Variants in NALF1 observed in about 807,000 individuals in gnomAD.
The protein encoded by NALF1 is NALCN channel auxiliary factor 1.
NALF1 carries 3 observed loss-of-function variants against 48.4 expected under a neutral mutation model. The ratio of observed to expected loss-of-function variants is 0.06; its 90% confidence interval spans 0.03 to 0.16. The LOEUF is 0.16. NALF1 is among the 10% of genes least tolerant of loss of function. NALF1 has a pLI of 1.00. For missense variants in NALF1, 526 were observed against 571.5 expected, an observed-to-expected ratio of 0.92 and a Z score of 0.81; for synonymous variants, 262 against 245.7, an observed-to-expected ratio of 1.07 and a Z score of -0.62.
intron 1 of NALF1, among the ~76,000 whole-genome samples, chr13:107,678,697 T>C (rs1594201869): frequency 6.6e-6 from 1 of 152,064 alleles, no homozygotes; most frequent in Non-Finnish European, 1.5e-5. Flanking sequence ...TGGTGGAAGG[T>C]GAAGGGAAAC....
At chr13:107,728,671 C>T (rs1876226746) in intron 1 of NALF1, among the ~76,000 whole-genome samples, 3 of 150,840 alleles carry the variant, frequency 2.0e-5, no homozygotes, top group East Asian at 2.0e-4. Flanking sequence ...GCACGTTCTG[C>T]GCATGTATCC....
At chr13:107,808,655 C>G (rs1470806825) in intron 1 of NALF1, among the ~76,000 whole-genome samples, 1 of 133,896 alleles carries the variant, frequency 7.5e-6, no homozygotes, top group Non-Finnish European at 1.6e-5. Flanking sequence ...GATCAAATTT[C>G]CACTATACAG....
chr13:107,313,205 T>C (rs961443354), intron 1 of NALF1, among the ~76,000 whole-genome samples: 4 of 151,082 alleles, frequency 2.6e-5, no homozygotes, highest in South Asian at 4.2e-4. Flanking sequence ...CCCAAAAAAA[T>C]AGAACACAGG....
At chr13:107,382,872 C>T (rs891124766) in intron 1 of NALF1, among the ~76,000 whole-genome samples, 1 of 152,174 alleles carries the variant, frequency 6.6e-6, no homozygotes, top group African/African-American at 2.4e-5. Context: ...CTGGTGTTAG[C>T]TCTGCTTTAG....
chr13:107,199,436 AG>A (rs1879462729), intron 2 of NALF1, among the ~76,000 whole-genome samples: 1 of 152,208 alleles, frequency 6.6e-6, no homozygotes, highest in Non-Finnish European at 1.5e-5. Flanking sequence ...ACATTGGACT[AG>A]GGCTCATCCT....
At chr13:107,697,708 A>T (rs1881730595) in intron 1 of NALF1, among the ~76,000 whole-genome samples, 1 of 152,188 alleles carries the variant, frequency 6.6e-6, no homozygotes, top group Non-Finnish European at 1.5e-5. Context: ...ACACACAAAT[A>T]TGAAAGTAAA....
chr13:107,315,886 G>GATAT (rs534440329), intron 1 of NALF1, among the ~76,000 whole-genome samples: 3 of 146,974 alleles, frequency 2.0e-5, no homozygotes, highest in African/African-American at 7.4e-5. Flanking sequence ...ATTTTTTATA[G>GATAT]ATATATATAT....
intron 1 of NALF1, among the ~76,000 whole-genome samples, chr13:107,266,467 C>T (rs1881040837): frequency 6.6e-6 from 1 of 152,130 alleles, no homozygotes; most frequent in African/African-American, 2.4e-5. Flanking sequence ...TCCTTTTTGG[C>T]ATCATTTCTT....
intron 1 of NALF1, among the ~76,000 whole-genome samples, chr13:107,668,985 C>A (rs1482968618): frequency 6.6e-6 from 1 of 152,026 alleles, no homozygotes; most frequent in Non-Finnish European, 1.5e-5. Context: ...AGTAAACCGT[C>A]CTCAAAAATT....
intron 1 of NALF1, among the ~76,000 whole-genome samples, chr13:107,331,803 C>T (rs895491136): frequency 9.2e-5 from 14 of 151,820 alleles, no homozygotes; most frequent in Admixed American, 8.5e-4. Flanking sequence ...CAGAAGGGAT[C>T]GGACATTTAG....
intron 1 of NALF1, among the ~76,000 whole-genome samples, chr13:107,327,134 T>A (rs1424399079): frequency 1.3e-5 from 2 of 152,212 alleles, no homozygotes; most frequent in African/African-American, 4.8e-5. Context: ...TTGATAATTT[T>A]AAAAAGTTAT....
At chr13:107,299,680 CCTT>C (rs2138891467) in intron 1 of NALF1, among the ~76,000 whole-genome samples, 1 of 133,602 alleles carries the variant, frequency 7.5e-6, no homozygotes, top group South Asian at 2.3e-4. Context: ...AAGAACTGTT[CCTT>C]ATTTATTTAT....
In NALF1 at chr13:107,787,321, C is replaced by T. The variant is rs182232174; in HGVS notation, c.915+78361G>A. Among the ~76,000 whole-genome samples, 917 of 151,738 alleles carry T rather than the reference C, an allele frequency of 6.0e-3. 7 individuals are homozygous for T. The highest frequency in any genetic ancestry group is 0.012 in the South Asian group (60 of 4,822). ...TTAAATTTTTCCAATAATATGTTTA[C>T]AGCTGAAAATATTATCATCACAATT... On this transcript the variant is annotated intron_variant, in intron 1 of 2. Coordinates refer to ENST00000375915, the MANE Select transcript of NALF1 (RefSeq NM_001080396.3).
chr13:107,445,163 G>A (rs868584730), intron 1 of NALF1, among the ~76,000 whole-genome samples: 2 of 152,152 alleles, frequency 1.3e-5, no homozygotes, highest in African/African-American at 2.4e-5. Context: ...TCCATCACTT[G>A]TGTAGTTTCA....
At chr13:107,739,919 C>CT (rs1171856675) in intron 1 of NALF1, among the ~76,000 whole-genome samples, 2 of 152,182 alleles carry the variant, frequency 1.3e-5, no homozygotes, top group Non-Finnish European at 2.9e-5. Context: ...GCCTGATGAT[C>CT]TATCACTGTC....
chr13:107,393,929 T>A (rs1883668400), intron 1 of NALF1, among the ~76,000 whole-genome samples: 1 of 152,192 alleles, frequency 6.6e-6, no homozygotes, highest in African/African-American at 2.4e-5. Flanking sequence ...GAAGAGGTAC[T>A]TTCTAAGATA....
intron 1 of NALF1, among the ~76,000 whole-genome samples, chr13:107,651,608 T>C (rs1483936352): frequency 2.6e-5 from 4 of 152,218 alleles, no homozygotes; most frequent in Admixed American, 6.5e-5. Flanking sequence ...GAGTATTAAT[T>C]AGTTTTGAAA....
chr13:107,258,307 T>A (rs1024964211), intron 1 of NALF1, among the ~76,000 whole-genome samples: 7 of 152,240 alleles, frequency 4.6e-5, no homozygotes, highest in African/African-American at 1.7e-4. Context: ...TTGCTAAATC[T>A]GTATTTCAAG....
chr13:107,624,648 C>T (rs1879617138), intron 1 of NALF1, among the ~76,000 whole-genome samples: 2 of 152,116 alleles, frequency 1.3e-5, no homozygotes, highest in East Asian at 3.9e-4. Context: ...CAAATTTTTG[C>T]TGTGAAACTT....
Sources: allele counts gnomAD v4.1 joint callset (sites outside exome capture counted in the v4.1 genomes callset), GRCh38; gene constraint gnomAD v4.1.1; transcripts MANE v1.5; gene names NCBI Gene and HGNC (gene_info 2026-07-23, HGNC 2026-07-21).